DPH6: variants seen among roughly 807,000 people sequenced by gnomAD.
DPH6 encodes diphthamine biosynthesis 6.
A neutral mutation model predicts 38.2 loss-of-function variants in DPH6; 33 were observed. The ratio of observed to expected loss-of-function variants is 0.86; its 90% CI spans 0.65 to 1.15. The LOEUF (loss-of-function observed/expected upper bound fraction) is 1.15. Ranked by LOEUF, DPH6 falls within the 50% of genes most tolerant of loss-of-function variation. DPH6 has a pLI of 0.00. For missense variants in DPH6, 325 were observed against 320.0 expected, an observed-to-expected ratio of 1.02 and a Z score of -0.12; for synonymous variants, 108 against 103.0, an observed-to-expected ratio of 1.05 and a Z score of -0.30.
At position 35,260,357 on chromosome 15, in the gene DPH6, C is replaced by T. The variant is rs546587118; in HGVS notation, n.201-39775G>A. ...TCCTGACCTCGTGATCCACCCACCT[C>T]GGCCTCCCAAAGTGTTCGGATTACA... On this transcript the variant is annotated intron_variant and non_coding_transcript_variant, in intron 3 of 3. Transcript: ENST00000560386. Among the ~76,000 whole-genome samples, 5 of 152,178 alleles carry T rather than the reference C, an allele frequency of 3.3e-5. No homozygotes were observed. In the East Asian group the frequency reaches 7.8e-4, roughly 24 times the overall value.
chr15:35,279,068 A>AAAATAAAAATAAATATAT (rs1555390826), intron 3 of DPH6, among the ~76,000 whole-genome samples: 1 of 102,990 alleles, frequency 9.7e-6, no homozygotes, highest in Non-Finnish European at 1.8e-5. Context: ...AAAAAAAAAA[A>AAAATAAAAATAAATATAT]ATATATATAT....
intron 6 of DPH6, among the ~76,000 whole-genome samples, chr15:35,392,769 T>C (rs558137675): frequency 2.8e-4 from 42 of 152,322 alleles, no homozygotes; most frequent in African/African-American, 1.0e-3. Flanking sequence ...GCTAAAAGTC[T>C]TCTCAAAGTA....
Position 35,313,795 on chromosome 15 carries a change from G to A in DPH6, n.200+59726C>T, listed in dbSNP as rs1305502350. Among the ~76,000 whole-genome samples the A allele has an allele frequency of 4.6e-5, 7 of 152,016 alleles. No homozygotes were observed. The East Asian group carries it at 5.8e-4, about 13-fold the overall frequency. On this transcript the variant is annotated intron_variant and non_coding_transcript_variant, in intron 3 of 3. Transcript: ENST00000560386. ...GCTATTCATACACAAAAATTGAATC[G>A]AAATTGACTTAAGACTTAAATCTAA... is the stretch of plus-strand genomic sequence containing the variant.
At chr15:35,362,736 C>T (rs564931966) in intron 3 of DPH6, among the ~76,000 whole-genome samples, 1 of 152,168 alleles carries the variant, frequency 6.6e-6, no homozygotes, top group African/African-American at 2.4e-5. Context: ...TCTGATCACA[C>T]CAAGTTGTGC....
intron 3 of DPH6, among the ~76,000 whole-genome samples, chr15:35,261,048 C>T (rs924806491): frequency 1.3e-5 from 2 of 152,192 alleles, no homozygotes; most frequent in African/African-American, 4.8e-5. Flanking sequence ...GAAGTCAAAA[C>T]CCACAATCTA....
At chr15:35,494,807 G>C (rs1424997425) in intron 3 of DPH6, among the ~76,000 whole-genome samples, 1 of 151,348 alleles carries the variant, frequency 6.6e-6, no homozygotes, top group Admixed American at 6.6e-5. Context: ...AAAAAAACTT[G>C]CTTAACAAAT....
At chr15:35,298,915 T>C in intron 3 of DPH6, 3 of 829,636 alleles carry the variant, frequency 3.6e-6, no homozygotes, top group Non-Finnish European at 6.4e-6. Flanking sequence ...GCCAGAGAAG[T>C]GGGTGAGGCA....
intron 3 of DPH6, among the ~76,000 whole-genome samples, chr15:35,511,177 C>T (rs2054764663): frequency 6.6e-6 from 1 of 152,100 alleles, no homozygotes; most frequent in Non-Finnish European, 1.5e-5. Flanking sequence ...AAGTTTAAGA[C>T]TTTCTAATCT....
intron 3 of DPH6, among the ~76,000 whole-genome samples, chr15:35,283,676 A>G (rs2051918412): frequency 6.6e-6 from 1 of 152,038 alleles, no homozygotes; most frequent in Admixed American, 6.6e-5. Context: ...CAACACCAAA[A>G]TATGTTCAAC....
chr15:35,496,189 TTGAA>T (rs1360599032), intron 3 of DPH6, among the ~76,000 whole-genome samples: 1 of 152,154 alleles, frequency 6.6e-6, no homozygotes, highest in Non-Finnish European at 1.5e-5. Flanking sequence ...AATTGATAAC[TTGAA>T]TTTATTTTTC....
intron 7 of DPH6, among the ~76,000 whole-genome samples, chr15:35,374,394 G>T (rs572205677): frequency 6.6e-6 from 1 of 152,134 alleles, no homozygotes; most frequent in Admixed American, 6.6e-5. Flanking sequence ...TTAGCATTTT[G>T]ACCATTGTAG....
At chr15:35,482,561 T>C (rs1257863024) in intron 3 of DPH6, among the ~76,000 whole-genome samples, 3 of 152,194 alleles carry the variant, frequency 2.0e-5, no homozygotes, top group Non-Finnish European at 4.4e-5. Flanking sequence ...AAATAAAGTA[T>C]TTACATTTAT....
At chr15:35,425,267 T>C (rs2053554405) in intron 5 of DPH6, among the ~76,000 whole-genome samples, 1 of 151,560 alleles carries the variant, frequency 6.6e-6, no homozygotes, top group Admixed American at 6.6e-5. Flanking sequence ...TCCTGGACAG[T>C]ACAGCCATTA....
chr15:35,520,217 C>A (rs2054902119), intron 3 of DPH6: 1 of 591,888 alleles, frequency 1.7e-6, no homozygotes, highest in Non-Finnish European at 1.9e-6. Flanking sequence ...AGTAAACATG[C>A]TACAAAAAAA....
At chr15:35,428,020 GAAA>G (rs1260248988) in intron 5 of DPH6, among the ~76,000 whole-genome samples, 1 of 151,944 alleles carries the variant, frequency 6.6e-6, no homozygotes, top group Non-Finnish European at 1.5e-5. Flanking sequence ...AACCAAGAAG[GAAA>G]GTAGACCAGG....
chr15:35,391,115 C>T (rs970392179), intron 6 of DPH6, among the ~76,000 whole-genome samples: 2 of 152,152 alleles, frequency 1.3e-5, no homozygotes, highest in Non-Finnish European at 2.9e-5. Flanking sequence ...CACTCCAGAC[C>T]CTATTTGCCT....
At chr15:35,344,489 G>A (rs964476434) in intron 3 of DPH6, among the ~76,000 whole-genome samples, 1 of 151,684 alleles carries the variant, frequency 6.6e-6, no homozygotes, top group Non-Finnish European at 1.5e-5. Context: ...TGTTCTTTTA[G>A]GAAACCATTC....
At chr15:35,269,080 T>G (rs1333702118) in intron 3 of DPH6, among the ~76,000 whole-genome samples, 1 of 152,192 alleles carries the variant, frequency 6.6e-6, no homozygotes, top group Non-Finnish European at 1.5e-5. Context: ...CTGCTGCTAT[T>G]CAGACTTATC....
intron 3 of DPH6, among the ~76,000 whole-genome samples, chr15:35,364,313 C>T (rs2052638198): frequency 6.6e-6 from 1 of 152,056 alleles, no homozygotes; most frequent in Non-Finnish European, 1.5e-5. Flanking sequence ...TTCTATTTAT[C>T]ACATACCTAT....
Sources: allele counts gnomAD v4.1 joint callset (sites outside exome capture counted in the v4.1 genomes callset), GRCh38; gene constraint gnomAD v4.1.1; transcripts MANE v1.5; gene names NCBI Gene and HGNC (gene_info 2026-07-23, HGNC 2026-07-21).